MXRA5: variants seen among roughly 807,000 people sequenced by gnomAD.
MXRA5 encodes the protein matrix-remodeling-associated protein 5.
MXRA5 carries 41 observed loss-of-function variants against 112.5 expected under a neutral mutation model. That is an observed-to-expected ratio of 0.36 (90% confidence interval 0.28 to 0.47). The LOEUF (loss-of-function observed/expected upper bound fraction) is 0.47, where lower values mean the gene tolerates loss of function less well. Ranked by LOEUF, MXRA5 falls within the 20% of genes least tolerant of loss-of-function variation. The pLI, the probability that MXRA5 is intolerant of heterozygous loss-of-function variation, is 0.99. For synonymous variants in MXRA5, 862 were observed against 900.8 expected (o/e 0.96, Z 0.77); for missense variants, 2,150 against 2,251.0 (o/e 0.96, Z 0.91).
At position 3,310,831 on chromosome X, in the gene MXRA5, C is replaced by A. The variant is rs1411731280; in HGVS notation, c.7372G>T (p.Gly2458Trp). The change falls in exon 7 of 7, where the codon GGG becomes TGG. Residue 2458 changes from glycine to tryptophan, a missense_variant. Physicochemically the swap from Gly to Trp is radical, Grantham distance 184. Transcript: ENST00000217939. ...CAGTCAATCAGTTTCCGACTGCCCC[C>A]GGCTGCTATCTCCCGCACAGTGGTG... ...PITTVREIAA[G>W]GSRKLIDCKA... 5.0e-6 allele frequency: 6 copies of A among 1,206,752 alleles called. No homozygotes were observed. Among genetic ancestry groups the A allele is most frequent in the African/African-American group, 3.5e-5 (2 of 56,533 alleles).
intron 2 of MXRA5, among the ~76,000 whole-genome samples, chrX:3,334,825 C>G (rs974330075): frequency 8.9e-6 from 1 of 111,739 alleles, no homozygotes; most frequent in Non-Finnish European, 1.9e-5. Flanking sequence ...CTACCTGATA[C>G]ATTTCTAATT....
chrX:3,314,619 G>A (rs1293183408), intron 6 of MXRA5, among the ~76,000 whole-genome samples: 3 of 111,321 alleles, frequency 2.7e-5, no homozygotes, highest in Non-Finnish European at 3.8e-5. Context: ...CAGGTATATA[G>A]ATAGACCAAC....
intron 4 of MXRA5, 80 bp downstream of exon 4, chrX:3,329,938 A>G: frequency 9.3e-7 from 1 of 1,070,254 alleles, no homozygotes; most frequent in East Asian, 3.0e-5. Flanking sequence ...AAGTCAATAT[A>G]AGAACCTTGG....
intron 6 of MXRA5, among the ~76,000 whole-genome samples, chrX:3,313,367 C>A (rs1173715163): frequency 8.9e-6 from 1 of 112,611 alleles, no homozygotes; most frequent in African/African-American, 3.2e-5. Flanking sequence ...TCAAATGATT[C>A]TCCTGCCTCA....
At chrX:3,341,531 T>C (rs1309507633) in intron 2 of MXRA5, among the ~76,000 whole-genome samples, 1 of 29,363 alleles carries the variant, frequency 3.4e-5, no homozygotes, top group African/African-American at 3.1e-4. Context: ...TAATATATAT[T>C]ATTATTATAT....
intron 4 of MXRA5, among the ~76,000 whole-genome samples, chrX:3,326,761 T>C: frequency 9.1e-6 from 1 of 110,374 alleles, no homozygotes; most frequent in East Asian, 2.8e-4. Context: ...GAATCTTTGC[T>C]GACTGGGTCC....
chrX:3,327,518 A>G (rs1452596974), intron 4 of MXRA5, among the ~76,000 whole-genome samples: 1 of 112,498 alleles, frequency 8.9e-6, no homozygotes, highest in Non-Finnish European at 1.9e-5. Context: ...ACTTTTAGAA[A>G]AGATGAGTTC....
Position 3,317,583 on chromosome X carries a change from G to T in MXRA5, c.6098C>A (p.Ala2033Glu), listed in dbSNP as rs750473275. The T allele has an allele frequency of 2.5e-6, 3 of 1,210,566 alleles. No individual in the cohort carries two copies. The highest frequency in any genetic ancestry group is 3.4e-6 in the Non-Finnish European group (3 of 895,176). ...YKCVASNAAG[A>E]DSLAIRLHVA... Reference sequence around the variant, plus strand: ...GTGCAGGCGGATGGCCAGGCTGTCCGCCCCGGCTGCATTGCTGGCCACGCA... The same window carrying T: ...GTGCAGGCGGATGGCCAGGCTGTCCTCCCCGGCTGCATTGCTGGCCACGCA... The change falls in exon 6 of 7, where the codon GCG becomes GAG. Residue 2033 changes from alanine (A) to glutamate (E), a missense_variant. Physicochemically the swap from Ala to Glu is moderately radical, Grantham distance 107. Coordinates refer to ENST00000217939, the MANE Select transcript of MXRA5 (RefSeq NM_015419.4).
Position 3,321,499 on chromosome X carries a change from G to A in MXRA5, c.4186C>T (p.Pro1396Ser). ...AQPGRLQTGI[P>S]VTTSGENLTD... ...AGATTTTCCCCAGAAGTGGTAACAG[G>A]TATGCCTGTCTGTAGCCTCCCAGGC... Residue 1396 changes from proline (P) to serine (S), a missense_variant, in exon 5 of 7, where the codon CCT becomes TCT. Pro to Ser is a moderately conservative substitution (Grantham distance 74). Coordinates refer to ENST00000217939, the MANE Select transcript of MXRA5 (RefSeq NM_015419.4). 1 of 1,210,930 alleles carries A rather than the reference G, an allele frequency of 8.3e-7. No homozygotes were observed. Among genetic ancestry groups the A allele is most frequent in the Non-Finnish European group, 1.1e-6 (1 of 895,074 alleles).
intron 2 of MXRA5, among the ~76,000 whole-genome samples, chrX:3,335,453 T>C (rs1264796395): frequency 8.9e-6 from 1 of 112,627 alleles, no homozygotes. Flanking sequence ...CGCCTCGGCC[T>C]CCCAAAGTGC....
chrX:3,323,078 G>A lies in MXRA5; in HGVS notation c.2607C>T (p.His869=), dbSNP rs1422704064. The change falls in exon 5 of 7, where the codon CAC becomes CAT. Residue 869 remains histidine, a synonymous_variant. Coordinates refer to ENST00000217939, the MANE Select transcript of MXRA5 (RefSeq NM_015419.4). The part of the protein sequence containing the change: ...SSASMGLEHN[H]NGVILVEPEV... ...CAGGTTCAACAAGAATAACTCCATT[G>A]TGGTTGTGTTCTAGCCCCATGCTGG... 12 of 1,209,893 alleles carry A rather than the reference G, an allele frequency of 9.9e-6. No homozygotes were observed. The highest frequency in any genetic ancestry group is 1.3e-5 in the Non-Finnish European group (12 of 895,274).
At chrX:3,341,721 A>T (rs1470881182) in intron 2 of MXRA5, among the ~76,000 whole-genome samples, 1 of 90,359 alleles carries the variant, frequency 1.1e-5, no homozygotes, top group Non-Finnish European at 2.1e-5. Context: ...TACATTCTGC[A>T]TCAACCCCAA....
intron 2 of MXRA5, among the ~76,000 whole-genome samples, chrX:3,341,239 T>G (rs1424822234): frequency 4.1e-5 from 2 of 49,334 alleles, no homozygotes; most frequent in Non-Finnish European, 6.9e-5. Flanking sequence ...TATAATTATA[T>G]AATTATATAT....
intron 2 of MXRA5, 56 bp from the exon 3 acceptor site, chrX:3,330,829 G>A (rs945721048): frequency 1.7e-5 from 15 of 874,392 alleles, no homozygotes; most frequent in African/African-American, 1.2e-4. Flanking sequence ...AATAAATAGC[G>A]AATACTTAAC....
intron 5 of MXRA5, among the ~76,000 whole-genome samples, chrX:3,319,139 C>T (rs535828376): frequency 4.1e-4 from 46 of 112,225 alleles, no homozygotes; most frequent in Middle Eastern, 4.6e-3. Flanking sequence ...ATATTATACT[C>T]ATGGCAACTA....
chrX:3,321,816 T>C lies in MXRA5; in HGVS notation c.3869A>G (p.Tyr1290Cys). 1.7e-6 allele frequency: 2 copies of C among 1,210,727 alleles called. No homozygotes were observed. The highest frequency in any genetic ancestry group is 2.2e-6 in the Non-Finnish European group (2 of 894,554). ...GGTTGTCATGTAATCTAAGGAATCA[T>C]AAGGGCCCTCAGTTTTCAGAGAAAC... ...RTVSLKTEGP[Y>C]DSLDYMTTTR... Residue 1290 changes from tyrosine to cysteine, a missense_variant, in exon 5 of 7, where the codon TAT (tyrosine) becomes TGT (cysteine). Coordinates refer to ENST00000217939, the MANE Select transcript of MXRA5 (RefSeq NM_015419.4).
chrX:3,330,375 T>C lies in MXRA5; in HGVS notation c.352A>G (p.Ile118Val). Residue 118 changes from isoleucine (I) to valine (V), a missense_variant, in exon 4 of 7, where the codon ATC (isoleucine) becomes GTC (valine). Coordinates refer to ENST00000217939, the MANE Select transcript of MXRA5 (RefSeq NM_015419.4). ...FKFSYNKLRVITGQTLQGLSN... is the reference protein window; with the variant it reads ...FKFSYNKLRVVTGQTLQGLSN... ...AGACCCTGGAGGGTCTGTCCTGTGA[T>C]CACTCTCAGCTTGTTGTAGCTGAAC... The C allele has an allele frequency of 8.3e-7, 1 of 1,206,939 alleles. No individual in the cohort carries two copies. The highest frequency in any genetic ancestry group is 1.1e-6 in the Non-Finnish European group (1 of 893,221).
In MXRA5 at chrX:3,343,731, C is replaced by A. The variant is rs1193858019; in HGVS notation, c.103G>T (p.Val35Phe). 1.3e-5 allele frequency: 16 copies of A among 1,209,831 alleles called. No homozygotes were observed. The highest frequency in any genetic ancestry group is 1.8e-5 in the Non-Finnish European group (16 of 895,178). Reference protein sequence around the residue: ...LACPHPCACYVPSEVHCTFRS... With the variant: ...LACPHPCACYFPSEVHCTFRS... ...AACGTGCAGTGGACCTCGCTGGGGA[C>A]GTAGCAGGCACAAGGATGCGGGCAG... Residue 35 changes from valine to phenylalanine, a missense_variant, in exon 2 of 7, where the codon GTC becomes TTC. This residue lies in a region of MXRA5 where 386 missense variants were observed against 411.0 expected (regional missense o/e 0.94). Coordinates refer to ENST00000217939, the MANE Select transcript of MXRA5 (RefSeq NM_015419.4).
chrX:3,340,950 C>T (rs1188263358), intron 2 of MXRA5, among the ~76,000 whole-genome samples: 5 of 78,746 alleles, frequency 6.3e-5, no homozygotes, highest in Non-Finnish European at 1.2e-4. Flanking sequence ...CAAGAAGCAC[C>T]GCAAATAGAT....
Sources: gnomAD v4.1 joint callset for allele counts (sites outside exome capture counted in the v4.1 genomes callset) on GRCh38, gnomAD v4.1.1 for gene constraint, gnomAD v4.1.1 regional missense constraint, MANE v1.5 for transcripts, NCBI Gene and HGNC (gene_info 2026-07-23, HGNC 2026-07-21) for gene names.